Variants in CREM observed in about 807,000 individuals in gnomAD.
CREM encodes cAMP responsive element modulator, also known as cAMP-responsive element modulator.
A neutral mutation model predicts 37.3 loss-of-function variants in CREM; 13 were observed. The ratio of observed to expected loss-of-function variants is 0.35; its 90% CI spans 0.23 to 0.55. The LOEUF (loss-of-function observed/expected upper bound fraction) is 0.55, where lower values mean the gene tolerates loss of function less well. CREM is among the 20% of genes least tolerant of loss of function. CREM has a pLI of 0.88. For missense variants in CREM, 296 were observed against 362.3 expected (o/e 0.82, Z 1.49); for synonymous variants, 124 against 120.2 (o/e 1.03, Z -0.21).
chr10:35,151,575 T>C, intron 3 of CREM, among the ~76,000 whole-genome samples: 1 of 152,212 alleles, frequency 6.6e-6, no homozygotes, highest in East Asian at 1.9e-4. Flanking sequence ...GGTTATGCCA[T>C]GTTGGCCAGG....
chr10:35,150,377 C>T (rs1306377384), intron 3 of CREM, among the ~76,000 whole-genome samples: 2 of 152,064 alleles, frequency 1.3e-5, no homozygotes, highest in Admixed American at 6.6e-5. Context: ...CTAGGTGGGT[C>T]CCGGCTCACT....
intron 6 of CREM, among the ~76,000 whole-genome samples, chr10:35,199,718 G>A (rs1414943369): frequency 1.3e-5 from 2 of 152,080 alleles, no homozygotes; most frequent in Non-Finnish European, 2.9e-5. Context: ...GGACCCGTTC[G>A]AGTCTTCAGA....
rs772060679 is a variant in CREM at position 35,209,400 on chromosome 10, A to G, written c.756-1854A>G. ...TGCAAGCCTGAAAACCGAGCTCACTATTAATAGAAGAAACAGGTGTTTTCC... is the reference window on the plus strand; with the variant it reads ...TGCAAGCCTGAAAACCGAGCTCACTGTTAATAGAAGAAACAGGTGTTTTCC... On this transcript the variant is annotated intron_variant, in intron 7 of 7. Coordinates refer to ENST00000685392, the MANE Select transcript of CREM (RefSeq NM_183011.2). The G allele has an allele frequency of 1.7e-5, 17 of 977,876 alleles. No homozygotes were observed. In the Admixed American group the frequency reaches 3.1e-4, roughly 18 times the overall value. 60.6% of individuals were successfully genotyped at this position (977,876 alleles called of 1,614,324 possible).
chr10:35,136,381 C>G (rs1298038158), intron 1 of CREM, among the ~76,000 whole-genome samples: 1 of 152,132 alleles, frequency 6.6e-6, no homozygotes, highest in African/African-American at 2.4e-5. Context: ...GAGGGGGTGG[C>G]ATCTAATGGG....
chr10:35,178,217 A>G (rs1462827512), intron 3 of CREM, among the ~76,000 whole-genome samples: 1 of 152,166 alleles, frequency 6.6e-6, no homozygotes, highest in Admixed American at 6.5e-5. Context: ...CTTCTTTAAT[A>G]ATCATATCAC....
intron 2 of CREM, among the ~76,000 whole-genome samples, chr10:35,147,295 C>T (rs908518461): frequency 2.0e-5 from 3 of 151,950 alleles, no homozygotes; most frequent in South Asian, 4.2e-4. Flanking sequence ...CCTGGTGATC[C>T]GCCCGCCTCA....
At chr10:35,129,008 C>T (rs1227942699) in intron 1 of CREM, among the ~76,000 whole-genome samples, 2 of 152,216 alleles carry the variant, frequency 1.3e-5, no homozygotes, top group Non-Finnish European at 2.9e-5. Flanking sequence ...TTGATCCCAA[C>T]ACAGCTTTAA....
intron 7 of CREM, 81 bp from the exon 8 acceptor site, chr10:35,211,173 C>T (rs1001470176): frequency 2.6e-5 from 39 of 1,485,970 alleles, no homozygotes; most frequent in Non-Finnish European, 3.2e-5. Context: ...CTGTTGAGTT[C>T]GGGGGGCAGA....
intron 5 of CREM, among the ~76,000 whole-genome samples, chr10:35,182,991 CG>C (rs2094415937): frequency 6.6e-6 from 1 of 152,086 alleles, no homozygotes; most frequent in African/African-American, 2.4e-5. Flanking sequence ...TAAAAGCAAC[CG>C]AGGAAATTAA....
intron 3 of CREM, among the ~76,000 whole-genome samples, chr10:35,165,074 A>AAAAAAAG (rs1554902040): frequency 7.0e-6 from 1 of 142,012 alleles, no homozygotes. Flanking sequence ...AAAAAAAAAA[A>AAAAAAAG]AAAAGAAAAG....
chr10:35,136,836 G>T (rs2090611706), intron 1 of CREM, among the ~76,000 whole-genome samples: 2 of 144,760 alleles, frequency 1.4e-5, no homozygotes, highest in South Asian at 2.2e-4. Flanking sequence ...AAGAGTTTAG[G>T]TCTGTGAATG....
chr10:35,152,944 T>C (rs2092685164), intron 3 of CREM, among the ~76,000 whole-genome samples: 1 of 152,218 alleles, frequency 6.6e-6, no homozygotes, highest in African/African-American at 2.4e-5. Context: ...TTAGTAATTA[T>C]TAAGATTTTG....
chr10:35,209,367 C>T, intron 7 of CREM: 1 of 985,308 alleles, frequency 1.0e-6, no homozygotes, highest in Non-Finnish European at 1.2e-6. Context: ...AGGATACACC[C>T]AGACACATGC....
At chr10:35,210,673 A>T (rs1024221286) in intron 7 of CREM, 1 of 152,198 alleles carries the variant, frequency 6.6e-6, no homozygotes, top group Non-Finnish European at 1.5e-5. Flanking sequence ...TTCGGTTTAT[A>T]AAAATGCACA....
At chr10:35,183,619 C>T (rs1313147489) in intron 5 of CREM, among the ~76,000 whole-genome samples, 1 of 152,222 alleles carries the variant, frequency 6.6e-6, no homozygotes, top group African/African-American at 2.4e-5. Context: ...CCTGAGAATT[C>T]ATTGGAACAA....
At chr10:35,152,782 T>C (rs914490433) in intron 3 of CREM, among the ~76,000 whole-genome samples, 20 of 147,564 alleles carry the variant, frequency 1.4e-4, no homozygotes, top group Non-Finnish European at 2.4e-4. Flanking sequence ...AAATATTGTA[T>C]GTACAATACA....
At chr10:35,199,006 G>A (rs2095304368) in intron 6 of CREM, among the ~76,000 whole-genome samples, 2 of 152,122 alleles carry the variant, frequency 1.3e-5, no homozygotes, top group African/African-American at 2.4e-5. Flanking sequence ...AAAATTAGCC[G>A]GGCGTGGTGG....
intron 7 of CREM, among the ~76,000 whole-genome samples, chr10:35,207,445 A>G (rs1048817063): frequency 3.3e-5 from 5 of 149,976 alleles, no homozygotes; most frequent in African/African-American, 1.2e-4. Context: ...TAAAATAATG[A>G]TAAAAATAAT....
chr10:35,212,699 T>A lies in CREM; in HGVS notation c.*1301T>A, dbSNP rs904876932. The stretch of plus-strand genomic sequence containing the variant: ...CGGCCTTCATAATGGCCTGAGACTT[T>A]CTTTCTGTAGGTGGTCTGGAGCTGT... On this transcript the variant is annotated 3_prime_UTR_variant, in exon 8 of 8. Transcript: ENST00000685392. 2 of 152,680 alleles carry A rather than the reference T, an allele frequency of 1.3e-5. No individual in the cohort carries two copies. The highest frequency in any genetic ancestry group is 4.8e-5 in the African/African-American group (2 of 41,444). The allele number at this position is 152,680 out of a possible 1,614,324, so 9.5% of individuals were successfully genotyped here.
Sources: allele counts gnomAD v4.1 joint callset (sites outside exome capture counted in the v4.1 genomes callset), GRCh38; gene constraint gnomAD v4.1.1; transcripts MANE v1.5; gene names NCBI Gene and HGNC (gene_info 2026-07-23, HGNC 2026-07-21).